MRPL14: variants seen among roughly 807,000 people sequenced by gnomAD.
The protein encoded by MRPL14 is mitochondrial ribosomal protein L14, also known as large ribosomal subunit protein uL14m.
MRPL14 carries 8 observed loss-of-function variants against 10.9 expected under a neutral mutation model. That is an observed-to-expected ratio of 0.74 (90% CI 0.43 to 1.33). The LOEUF is 1.33. Among genes scored for constraint, MRPL14 ranks in the 40% most tolerant of loss-of-function variants. The pLI is 0.01. For synonymous variants in MRPL14, 82 were observed against 74.1 expected (o/e 1.11, Z -0.54); for missense variants, 179 against 194.5 (o/e 0.92, Z 0.47).
chr6:44,126,491 T>C (rs1777064728), intron 1 of MRPL14, among the ~76,000 whole-genome samples: 2 of 152,364 alleles, frequency 1.3e-5, no homozygotes, highest in South Asian at 2.1e-4. Context: ...AGTGTCCTTC[T>C]GTTCAGCAGT....
chr6:44,117,953 C>A (rs1225561145), intron 1 of MRPL14, among the ~76,000 whole-genome samples: 1 of 142,628 alleles, frequency 7.0e-6, no homozygotes, highest in Non-Finnish European at 1.5e-5. Context: ...CCGCAAAGTG[C>A]TGGGATTATG....
chr6:44,114,392 T>A (rs550518220), intron 2 of MRPL14, among the ~76,000 whole-genome samples, 183 bp from the exon 3 acceptor site: 2 of 152,354 alleles, frequency 1.3e-5, no homozygotes, highest in East Asian at 3.9e-4. Context: ...CACAACAGTT[T>A]CCTCACAATT....
chr6:44,119,226 A>G (rs960851412), intron 1 of MRPL14, among the ~76,000 whole-genome samples: 2 of 151,926 alleles, frequency 1.3e-5, no homozygotes, highest in African/African-American at 4.8e-5. Context: ...TTGTTCCATC[A>G]AGAATACTGA....
At chr6:44,123,442 A>G (rs1776641460) in intron 1 of MRPL14, among the ~76,000 whole-genome samples, 1 of 152,186 alleles carries the variant, frequency 6.6e-6, no homozygotes, top group Admixed American at 6.5e-5. Context: ...AAACTCAGGA[A>G]ACAAAAAGCC....
At chr6:44,116,485 C>T in intron 2 of MRPL14, 56 bp downstream of exon 2, 1 of 1,547,896 alleles carries the variant, frequency 6.5e-7, no homozygotes, top group Non-Finnish European at 8.9e-7. Flanking sequence ...AATACCCAGC[C>T]CTGATAGGAA....
At chr6:44,123,430 A>G (rs1776640311) in intron 1 of MRPL14, among the ~76,000 whole-genome samples, 1 of 152,238 alleles carries the variant, frequency 6.6e-6, no homozygotes, top group African/African-American at 2.4e-5. Flanking sequence ...ATAATCTTCA[A>G]AAAACTCAGG....
intron 1 of MRPL14, among the ~76,000 whole-genome samples, chr6:44,121,952 A>G (rs1196883244): frequency 1.4e-5 from 2 of 147,988 alleles, no homozygotes; most frequent in Non-Finnish European, 3.0e-5. Context: ...AAAAAAAAAA[A>G]GAACTGATTT....
chr6:44,116,573 A>G lies in MRPL14; in HGVS notation c.39T>C (p.Cys13=). The part of the protein sequence containing the change: ...FFTGLWGPFT[C]VSRVLSHHCF... ...AGTGATGGCTCAGCACTCTGCTTACACAGGTGAAGGGGCCCCAGAGCCCAG... is the reference window on the plus strand; with the variant it reads ...AGTGATGGCTCAGCACTCTGCTTACGCAGGTGAAGGGGCCCCAGAGCCCAG... The change falls in exon 2 of 3, where the codon TGT becomes TGC. Residue 13 remains cysteine (C), a synonymous_variant. Coordinates refer to ENST00000372014, the MANE Select transcript of MRPL14 (RefSeq NM_032111.4). 2 of 1,614,182 alleles carry G rather than the reference A, an allele frequency of 1.2e-6. No homozygotes were observed. The highest frequency in any genetic ancestry group is 8.5e-7 in the Non-Finnish European group (1 of 1,180,030).
At chr6:44,124,888 C>T (rs1003560906) in intron 1 of MRPL14, among the ~76,000 whole-genome samples, 1 of 152,146 alleles carries the variant, frequency 6.6e-6, no homozygotes, top group African/African-American at 2.4e-5. Context: ...CCCCCTACAG[C>T]CCTAAGAACT....
At chr6:44,116,761 G>A (rs1309448485) in intron 1 of MRPL14, 132 bp from the exon 2 acceptor site, 3 of 648,076 alleles carry the variant, frequency 4.6e-6, no homozygotes, top group Admixed American at 2.6e-5. Context: ...AAATCTTAGT[G>A]GTTAAAGGAT....
intron 1 of MRPL14, among the ~76,000 whole-genome samples, chr6:44,122,509 T>C (rs1251979944): frequency 3.9e-5 from 6 of 152,200 alleles, no homozygotes; most frequent in Non-Finnish European, 8.8e-5. Context: ...ATATAATTAG[T>C]ATCACAGATC....
chr6:44,120,191 T>A (rs990501358), intron 1 of MRPL14, among the ~76,000 whole-genome samples: 1 of 152,192 alleles, frequency 6.6e-6, no homozygotes, highest in South Asian at 2.1e-4. Flanking sequence ...AACGGCAGCA[T>A]CAATTGCTAC....
At chr6:44,123,903 T>C (rs541472129) in intron 1 of MRPL14, among the ~76,000 whole-genome samples, 17 of 152,296 alleles carry the variant, frequency 1.1e-4, no homozygotes, top group African/African-American at 4.1e-4. Context: ...CTTAGATAGA[T>C]CTGACAATTC....
intron 2 of MRPL14, among the ~76,000 whole-genome samples, chr6:44,116,131 T>C (rs1775824778): frequency 6.6e-6 from 1 of 152,196 alleles, no homozygotes; most frequent in African/African-American, 2.4e-5. Context: ...GCTTAGCATC[T>C]ACAAGGAGGG....
intron 1 of MRPL14, among the ~76,000 whole-genome samples, chr6:44,118,199 T>C (rs1157548154): frequency 6.6e-6 from 1 of 152,136 alleles, no homozygotes; most frequent in Non-Finnish European, 1.5e-5. Flanking sequence ...CTTTTACTGG[T>C]GAGATGACCC....
At chr6:44,117,933 CGCCTCAGCCCCGCAAAGT>C (rs1057240147) in intron 1 of MRPL14, among the ~76,000 whole-genome samples, 3 of 149,970 alleles carry the variant, frequency 2.0e-5, no homozygotes, top group Non-Finnish European at 4.4e-5. Flanking sequence ...GCAATCCTCC[CGCCTCAGCCCCGCAAAGT>C]GCTGGGATTA....
intron 1 of MRPL14, among the ~76,000 whole-genome samples, chr6:44,121,791 T>G (rs1275487029): frequency 6.6e-6 from 1 of 151,996 alleles, no homozygotes; most frequent in Non-Finnish European, 1.5e-5. Flanking sequence ...AATACAAAAA[T>G]TAGTGGGGCG....
At chr6:44,117,855 T>G (rs951085970) in intron 1 of MRPL14, among the ~76,000 whole-genome samples, 32 of 141,174 alleles carry the variant, frequency 2.3e-4, no homozygotes, top group Middle Eastern at 3.4e-3. Context: ...TTTTTTTTTT[T>G]TTTTTTTTTT....
intron 1 of MRPL14, among the ~76,000 whole-genome samples, chr6:44,119,612 CAT>C (rs913732295): frequency 1.3e-5 from 2 of 152,096 alleles, no homozygotes; most frequent in African/African-American, 2.4e-5. Flanking sequence ...AATGTAGACA[CAT>C]ATCAGGTGAA....
Sources: gnomAD v4.1 joint callset for allele counts (sites outside exome capture counted in the v4.1 genomes callset) on GRCh38, gnomAD v4.1.1 for gene constraint, MANE v1.5 for transcripts, NCBI Gene and HGNC (gene_info 2026-07-23, HGNC 2026-07-21) for gene names.